The following NAMPT variants were observed in gnomAD, a reference collection of about 807,000 sequenced individuals.
NAMPT encodes NAmPRTase.
NAMPT carries 7 observed loss-of-function variants against 58.7 expected under a neutral mutation model. The ratio of observed to expected loss-of-function variants is 0.12; its 90% CI spans 0.07 to 0.22. NAMPT has a LOEUF of 0.22. Ranked by LOEUF, NAMPT falls within the 10% of genes least tolerant of loss-of-function variation. The pLI is 1.00. For synonymous variants in NAMPT, 145 were observed against 198.1 expected, an observed-to-expected ratio of 0.73 and a Z score of 2.25; for missense variants, 271 against 567.9, an observed-to-expected ratio of 0.48 and a Z score of 5.31.
chr7:106,277,693 G>GGCAGCAAAGTAAA (rs147733952), intron 1 of NAMPT, among the ~76,000 whole-genome samples: 9 of 152,124 alleles, frequency 5.9e-5, no homozygotes, highest in Admixed American at 2.6e-4. Flanking sequence ...CAACGGCGGT[G>GGCAGCAAAGTAAA]GCAGCAAAGT....
intron 2 of NAMPT, chr7:106,275,876 A>G (rs1471053665): frequency 6.6e-6 from 1 of 152,116 alleles, no homozygotes; most frequent in Non-Finnish European, 1.5e-5. Context: ...GTCACTATAA[A>G]AAAGTAGCCA....
In NAMPT at chr7:106,254,520, A is replaced by G. The variant is rs1792165952; in HGVS notation, c.1090-16T>C. The stretch of plus-strand genomic sequence containing the variant: ...CTTCTACAATCTAGAAGATTAAAAC[A>G]AAACAAAACCAAACCAAACCTTAAT... On this transcript the variant is annotated splice_polypyrimidine_tract_variant and intron_variant, in intron 8 of 10. Coordinates refer to ENST00000222553, the MANE Select transcript of NAMPT (RefSeq NM_005746.3). 6.2e-7 allele frequency: 1 copy of G among 1,612,200 alleles called. No individual in the cohort carries two copies. The highest frequency in any genetic ancestry group is 8.5e-7 in the Non-Finnish European group (1 of 1,178,672).
intron 3 of NAMPT, among the ~76,000 whole-genome samples, chr7:106,273,540 T>A (rs989841790): frequency 6.6e-6 from 1 of 152,160 alleles, no homozygotes; most frequent in African/African-American, 2.4e-5. Flanking sequence ...CCTGGACTAG[T>A]CACTTGCCAT....
chr7:106,284,477 G>A (rs1792826425), intron 1 of NAMPT: 2 of 152,640 alleles, frequency 1.3e-5, no homozygotes, highest in South Asian at 3.5e-4. Context: ...TCAGGGAAGG[G>A]CATGCGCTCG....
intron 8 of NAMPT, among the ~76,000 whole-genome samples, chr7:106,259,804 G>GA: frequency 6.6e-6 from 1 of 151,516 alleles, no homozygotes; most frequent in South Asian, 2.1e-4. Flanking sequence ...TAGCAGGCAT[G>GA]AAAAACAACA....
At chr7:106,266,351 T>C (rs1792408130) in intron 6 of NAMPT, among the ~76,000 whole-genome samples, 1 of 152,240 alleles carries the variant, frequency 6.6e-6, no homozygotes, top group Non-Finnish European at 1.5e-5. Flanking sequence ...CTCCGTATCA[T>C]GATGTTACTA....
chr7:106,255,795 G>GAATTTCA (rs1244368283), intron 8 of NAMPT, among the ~76,000 whole-genome samples: 5 of 152,132 alleles, frequency 3.3e-5, no homozygotes, highest in Admixed American at 3.3e-4. Flanking sequence ...TGAACAAAGT[G>GAATTTCA]AATTTCAATA....
In NAMPT at chr7:106,284,808, G is replaced by A; in HGVS notation, c.57+20C>T. 2 of 1,483,540 alleles carry A rather than the reference G, an allele frequency of 1.3e-6. No individual in the cohort carries two copies. The highest frequency in any genetic ancestry group is 1.8e-6 in the Non-Finnish European group (2 of 1,106,188). 91.9% of individuals were successfully genotyped at this position (1,483,540 alleles called of 1,614,324 possible). A position where few individuals can be genotyped will look rare whatever the true frequency, so the allele number is the denominator to read the frequency against. On this transcript the variant is annotated intron_variant, in intron 1 of 10. Transcript: ENST00000222553. ...CAGCGCGCCCCGCTCCTCCTCATCT[G>A]CCCGGGCCCCGAGCTTTACCTTGTA...
chr7:106,278,658 A>C (rs1383504405), intron 1 of NAMPT, among the ~76,000 whole-genome samples: 1 of 152,264 alleles, frequency 6.6e-6, no homozygotes, highest in Non-Finnish European at 1.5e-5. Flanking sequence ...AGTCTGTAGT[A>C]ATAAATATGA....
At chr7:106,284,796 T>C in intron 1 of NAMPT, 32 bp downstream of exon 1, 2 of 1,165,928 alleles carry the variant, frequency 1.7e-6, no homozygotes, top group Non-Finnish European at 2.2e-6. Context: ...CGCGCCCCGC[T>C]CCTCCTCATC....
Position 106,282,679 on chromosome 7 carries a change from T to C in NAMPT, c.57+2149A>G, listed in dbSNP as rs73720639. Among the ~76,000 whole-genome samples the C allele has an allele frequency of 2.0e-3, 302 of 152,326 alleles. 1 individual carries two copies. The highest frequency in any genetic ancestry group is 6.8e-3 in the African/African-American group (284 of 41,586). ...GATACAAGACAAAACAAAACTCCCA[T>C]TGTCATGTGCTTGCTACCATACCAT... is the stretch of plus-strand genomic sequence containing the variant. On this transcript the variant is annotated intron_variant, in intron 1 of 10. Transcript: ENST00000222553.
rs556596193 is a variant in NAMPT at position 106,271,215 on chromosome 7, TTA to T, written c.447+1313_447+1314del. The stretch of plus-strand genomic sequence containing the variant: ...CTTGCCTTGCTTACCATCTAAAGGT[TTA>T]TCTTATACATTTTTCACTTTTATGC... On this transcript the variant is annotated intron_variant, in intron 4 of 10. Transcript: ENST00000222553. 2.0e-3 allele frequency among the ~76,000 whole-genome samples: 312 copies of T among 152,296 alleles called. 1 individual carries two copies. The highest frequency in any genetic ancestry group is 7.3e-3 in the African/African-American group (302 of 41,570).
intron 4 of NAMPT, chr7:106,272,084 G>C (rs1399292243): frequency 2.6e-6 from 1 of 381,764 alleles, no homozygotes; most frequent in Non-Finnish European, 5.2e-6. Flanking sequence ...AAAAGTAACA[G>C]ATGGTAGATC....
rs1456034039 is a variant in NAMPT, at chr7:106,249,487, A to C, written c.*1596T>G. 1 of 152,452 alleles carries C rather than the reference A, an allele frequency of 6.6e-6. No individual in the cohort carries two copies. Among genetic ancestry groups the C allele is most frequent in the African/African-American group, 2.4e-5 (1 of 41,442 alleles). 9.4% of individuals were successfully genotyped at this position (152,452 alleles called of 1,614,324 possible). ...TCGGATTCTTAAGTGAGAAAAAAGA[A>C]GACAAAAGAGGAAAATTCCGTATCA... On this transcript the variant is annotated 3_prime_UTR_variant, in exon 11 of 11. Coordinates refer to ENST00000222553, the MANE Select transcript of NAMPT (RefSeq NM_005746.3).
At chr7:106,259,878 CTTTTTTT>C (rs78910620) in intron 8 of NAMPT, among the ~76,000 whole-genome samples, 2 of 132,810 alleles carry the variant, frequency 1.5e-5, no homozygotes, top group South Asian at 4.8e-4. Flanking sequence ...TCGAAACAAT[CTTTTTTT>C]TTTTTTTTTT....
Position 106,251,024 on chromosome 7 carries a change from A to C in NAMPT, c.*59T>G. ...ATGTATCATAAAACACAAACCCCAC[A>C]CATCTGTACAATAAACATTATGTAT... On this transcript the variant is annotated 3_prime_UTR_variant, in exon 11 of 11. Coordinates refer to ENST00000222553, the MANE Select transcript of NAMPT (RefSeq NM_005746.3). 7.9e-7 allele frequency: 1 copy of C among 1,270,842 alleles called. No homozygotes were observed. Among genetic ancestry groups the C allele is most frequent in the Admixed American group, 1.7e-5 (1 of 57,368 alleles). The allele number at this position is 1,270,842 out of a possible 1,614,324, so 78.7% of individuals were successfully genotyped here.
At chr7:106,285,231 C>A, upstream of NAMPT, 2 of 997,238 alleles carry the variant, frequency 2.0e-6, no homozygotes, top group Non-Finnish European at 2.5e-6. Context: ...GGGAGGAGGA[C>A]GTGATGCACG....
intron 8 of NAMPT, among the ~76,000 whole-genome samples, chr7:106,257,444 C>T (rs1027209162): frequency 7.8e-5 from 11 of 141,818 alleles, no homozygotes; most frequent in Non-Finnish European, 1.5e-4. Context: ...AACAGTGAGA[C>T]CCCCATCTCT....
chr7:106,253,229 C>A, intron 9 of NAMPT, 78 bp from the exon 10 acceptor site: 1 of 1,476,290 alleles, frequency 6.8e-7, no homozygotes, highest in South Asian at 1.3e-5. Flanking sequence ...TACAAAAAAG[C>A]ACATACATAA....
Sources: gnomAD v4.1 joint callset for allele counts (sites outside exome capture counted in the v4.1 genomes callset) on GRCh38, gnomAD v4.1.1 for gene constraint, MANE v1.5 for transcripts, NCBI Gene and HGNC (gene_info 2026-07-23, HGNC 2026-07-21) for gene names.